VIPR2: variants seen among roughly 807,000 people sequenced by gnomAD.
VIPR2 encodes vasoactive intestinal peptide receptor 2.
A neutral mutation model predicts 58.0 loss-of-function variants in VIPR2; 48 were observed. The observed-to-expected ratio is 0.83, with a 90% CI of 0.66 to 1.05. The LOEUF is 1.05. Among genes scored for constraint, VIPR2 ranks in the 50% least tolerant of loss-of-function variants. The probability of loss-of-function intolerance (pLI) is 0.00; values close to 1 mark genes in which losing one functional copy is unlikely to be tolerated. For synonymous variants in VIPR2, 243 were observed against 235.2 expected, an observed-to-expected ratio of 1.03 and a Z score of -0.30; for missense variants, 534 against 558.0, an observed-to-expected ratio of 0.96 and a Z score of 0.43.
At chr7:159,136,605 A>C (rs1307235601) in intron 2 of VIPR2, among the ~76,000 whole-genome samples, 1 of 152,058 alleles carries the variant, frequency 6.6e-6, no homozygotes, top group Non-Finnish European at 1.5e-5. Flanking sequence ...GTGTGTGGTG[A>C]GCTGCATGCT....
At chr7:159,131,463 A>G (rs554001808) in intron 2 of VIPR2, among the ~76,000 whole-genome samples, 10 of 152,310 alleles carry the variant, frequency 6.6e-5, no homozygotes, top group African/African-American at 2.2e-4. Flanking sequence ...TTCTTTCTTC[A>G]AAAGTTCATC....
intron 4 of VIPR2, among the ~76,000 whole-genome samples, chr7:159,091,208 C>T (rs187297274): frequency 1.3e-5 from 2 of 152,376 alleles, no homozygotes; most frequent in East Asian, 3.9e-4. Flanking sequence ...GGAACTGGAG[C>T]AACACAAGTG....
chr7:159,113,289 G>A (rs1187294462), intron 2 of VIPR2, among the ~76,000 whole-genome samples: 1 of 150,582 alleles, frequency 6.6e-6, no homozygotes, highest in Non-Finnish European at 1.5e-5. Context: ...GAAACTTCCC[G>A]GTCTGTTCTG....
chr7:159,082,079 T>C (rs896718114), intron 4 of VIPR2, among the ~76,000 whole-genome samples: 4 of 152,190 alleles, frequency 2.6e-5, no homozygotes, highest in Non-Finnish European at 5.9e-5. Flanking sequence ...GATCTACAAC[T>C]AGAAATACCA....
At chr7:159,034,099 G>C (rs1031863470) in intron 10 of VIPR2, 114 bp downstream of exon 10, 8 of 977,774 alleles carry the variant, frequency 8.2e-6, no homozygotes, top group Non-Finnish European at 1.2e-5. Flanking sequence ...CTCGAGGTGT[G>C]ACAGTGGCGG....
Position 159,128,846 on chromosome 7 carries a change from C to G in VIPR2, c.151+13600G>C, listed in dbSNP as rs986252962. Among the ~76,000 whole-genome samples the G allele has an allele frequency of 1.3e-5, 2 of 152,220 alleles. No individual in the cohort carries two copies. Among genetic ancestry groups the G allele is most frequent in the Non-Finnish European group, 2.9e-5 (2 of 68,036 alleles). On this transcript the variant is annotated intron_variant, in intron 2 of 12. Coordinates refer to ENST00000262178, the MANE Select transcript of VIPR2 (RefSeq NM_003382.5). The surrounding 1 kb of genome is among the most constrained non-coding windows in gnomAD (Gnocchi z 4.1). Reference sequence around the variant, plus strand: ...CACGCTAACTGCTCTTCTCCCTCAACTGCTCCCTCCTTCCCTCCCTGCGGC... The same window carrying G: ...CACGCTAACTGCTCTTCTCCCTCAAGTGCTCCCTCCTTCCCTCCCTGCGGC...
chr7:159,072,763 C>G (rs1856471039), intron 4 of VIPR2, among the ~76,000 whole-genome samples: 1 of 152,182 alleles, frequency 6.6e-6, no homozygotes, highest in Admixed American at 6.5e-5. Flanking sequence ...CAATAACCCA[C>G]TTTTTTGGTA....
At position 159,097,184 on chromosome 7, in the gene VIPR2, G is replaced by T. The variant is rs1340933834; in HGVS notation, c.357+6573C>A. 13 of 1,436,598 alleles carry T rather than the reference G, an allele frequency of 9.0e-6. No homozygotes were observed. The highest frequency in any genetic ancestry group is 1.2e-5 in the Non-Finnish European group (13 of 1,090,762). 89.0% of individuals were successfully genotyped at this position (1,436,598 alleles called of 1,614,324 possible). A position where few individuals can be genotyped will look rare whatever the true frequency, so the allele number is the denominator to read the frequency against. On this transcript the variant is annotated intron_variant, in intron 4 of 12. Transcript: ENST00000262178. The surrounding 1 kb of genome is among the most constrained non-coding windows in gnomAD (Gnocchi z 5.3). Reference sequence around the variant, plus strand: ...CTGTGATCTTTGTCACCAGGGATGGGAGCCCTGGGGAGTGAAGTTTGCCAT... The same window carrying T: ...CTGTGATCTTTGTCACCAGGGATGGTAGCCCTGGGGAGTGAAGTTTGCCAT...
intron 6 of VIPR2, among the ~76,000 whole-genome samples, chr7:159,037,768 G>A (rs767251560): frequency 1.3e-5 from 2 of 152,118 alleles, no homozygotes. Flanking sequence ...AGCTTCATGA[G>A]CAACCATGAA....
In VIPR2 at chr7:159,099,102, T is replaced by C. The variant is rs1858050014; in HGVS notation, c.357+4655A>G. Among the ~76,000 whole-genome samples, 1 of 152,272 alleles carries C rather than the reference T, an allele frequency of 6.6e-6. No homozygotes were observed. The highest frequency in any genetic ancestry group is 1.9e-4 in the East Asian group (1 of 5,204). On this transcript the variant is annotated intron_variant, in intron 4 of 12. Coordinates refer to ENST00000262178, the MANE Select transcript of VIPR2 (RefSeq NM_003382.5). The surrounding 1 kb of genome is among the most constrained non-coding windows in gnomAD (Gnocchi z 4.2). ...CTAAACCAACCAAGTATTCAAAGTA[T>C]TCAACGAGCAGAAACTGCAACAGGA...
At chr7:159,055,960 G>A (rs1357920558) in intron 5 of VIPR2, among the ~76,000 whole-genome samples, 1 of 152,240 alleles carries the variant, frequency 6.6e-6, no homozygotes, top group East Asian at 1.9e-4. Flanking sequence ...GGTGGGAAAG[G>A]ATTTTGGAGG....
chr7:159,032,591 T>C (rs2129492762), intron 10 of VIPR2, among the ~76,000 whole-genome samples: 1 of 152,296 alleles, frequency 6.6e-6, no homozygotes, highest in African/African-American at 2.4e-5. Context: ...TATTAACGCA[T>C]CTGAAGTTTG....
At position 159,035,971 on chromosome 7, in the gene VIPR2, G is replaced by C. The variant is rs140691706; in HGVS notation, c.790C>G (p.Leu264Val). 30 of 1,613,672 alleles carry C rather than the reference G, an allele frequency of 1.9e-5. No homozygotes were observed. The highest frequency in any genetic ancestry group is 2.5e-5 in the Non-Finnish European group (29 of 1,179,898). ...VCIGAWTAAR[L>V]YLEDTGCWDT... is the part of the protein sequence containing the mutation. ...ACTCACCCGGTGTCTTCTAAGTAGAGCCTGGCCGCAGTCCATGCACCGATG... is the reference window on the plus strand; with the variant it reads ...ACTCACCCGGTGTCTTCTAAGTAGACCCTGGCCGCAGTCCATGCACCGATG... Residue 264 changes from leucine to valine, a missense_variant, in exon 8 of 13, where the codon CTC becomes GTC. Leu to Val is a conservative substitution (Grantham distance 32, BLOSUM62 1). Coordinates refer to ENST00000262178, the MANE Select transcript of VIPR2 (RefSeq NM_003382.5).
chr7:159,080,880 G>T (rs904346894), intron 4 of VIPR2, among the ~76,000 whole-genome samples: 11 of 152,048 alleles, frequency 7.2e-5, no homozygotes, highest in African/African-American at 2.4e-4. Context: ...GCTTCAAAGA[G>T]AATAAAATAC....
intron 5 of VIPR2, among the ~76,000 whole-genome samples, chr7:159,053,430 G>T (rs1171987374): frequency 3.3e-5 from 5 of 152,132 alleles, no homozygotes; most frequent in African/African-American, 1.2e-4. Flanking sequence ...ACAAATGGAA[G>T]GATCTACTAT....
chr7:159,056,254 T>G (rs1855323288), intron 5 of VIPR2, among the ~76,000 whole-genome samples: 1 of 146,324 alleles, frequency 6.8e-6, no homozygotes, highest in Non-Finnish European at 1.5e-5. Flanking sequence ...CCTTACCCCA[T>G]GCCAAAGTCC....
intron 5 of VIPR2, among the ~76,000 whole-genome samples, chr7:159,049,325 G>A (rs972440012): frequency 6.6e-6 from 1 of 152,244 alleles, no homozygotes; most frequent in African/African-American, 2.4e-5. Context: ...AAGGATCAGG[G>A]TGATCCTAAA....
chr7:159,031,746 G>A lies in VIPR2; in HGVS notation c.1143+82C>T, dbSNP rs1373794316. 4 of 1,608,720 alleles carry A rather than the reference G, an allele frequency of 2.5e-6. No homozygotes were observed. The highest frequency in any genetic ancestry group is 1.3e-5 in the African/African-American group (1 of 74,868). On this transcript the variant is annotated intron_variant, in intron 12 of 12. Transcript: ENST00000262178. The surrounding 1 kb of genome is among the most constrained non-coding windows in gnomAD (Gnocchi z 4.0). ...GAGCCCGCGGAAGACAGGCATGTGTGGGGGCTGCGGCACCAGGCTGGGCAG... is the reference window on the plus strand; with the variant it reads ...GAGCCCGCGGAAGACAGGCATGTGTAGGGGCTGCGGCACCAGGCTGGGCAG...
intron 4 of VIPR2, among the ~76,000 whole-genome samples, chr7:159,079,162 G>A (rs1324059070): frequency 1.3e-5 from 2 of 152,036 alleles, no homozygotes; most frequent in Admixed American, 6.6e-5. Context: ...ACTGACCTTC[G>A]CCCCAACCAC....
Sources: gnomAD v4.1 joint callset for allele counts (sites outside exome capture counted in the v4.1 genomes callset) on GRCh38, gnomAD v4.1.1 for gene constraint, Gnocchi (gnomAD v3.1) non-coding constraint, MANE v1.5 for transcripts, NCBI Gene and HGNC (gene_info 2026-07-23, HGNC 2026-07-21) for gene names.